The following SLC25A13 variants were observed in gnomAD, a reference collection of about 807,000 sequenced individuals.
The protein encoded by SLC25A13 is solute carrier family 25 member 13.
In SLC25A13, 70 loss-of-function variants were observed where a neutral mutation model predicts 85.5. The ratio of observed to expected loss-of-function variants is 0.82; its 90% CI spans 0.68 to 1.00. The LOEUF (loss-of-function observed/expected upper bound fraction) is 1.00, where lower values mean the gene tolerates loss of function less well. Ranked by LOEUF, SLC25A13 falls within the 50% of genes least tolerant of loss-of-function variation. The pLI is 0.00. For synonymous variants in SLC25A13, 259 were observed against 288.7 expected (o/e 0.90, Z 1.04); for missense variants, 765 against 819.8 (o/e 0.93, Z 0.82).
At chr7:96,309,217 G>A (rs1035360623) in intron 1 of SLC25A13, among the ~76,000 whole-genome samples, 2 of 152,230 alleles carry the variant, frequency 1.3e-5, no homozygotes, top group African/African-American at 4.8e-5. Flanking sequence ...TGAAACAGCA[G>A]CAATGGAACA....
chr7:96,269,159 C>T (rs140693917), intron 3 of SLC25A13, among the ~76,000 whole-genome samples: 2 of 152,210 alleles, frequency 1.3e-5, no homozygotes, highest in African/African-American at 4.8e-5. Flanking sequence ...ACAACTGTGC[C>T]AAGCACAGAG....
At chr7:96,180,184 T>G (rs1794365959) in intron 11 of SLC25A13, among the ~76,000 whole-genome samples, 1 of 152,194 alleles carries the variant, frequency 6.6e-6, no homozygotes, top group African/African-American at 2.4e-5. Context: ...GTTTTTTTTT[T>G]GCCAATTTCC....
chr7:96,278,019 C>T (rs1798526380), intron 2 of SLC25A13, among the ~76,000 whole-genome samples: 1 of 152,152 alleles, frequency 6.6e-6, no homozygotes, highest in African/African-American at 2.4e-5. Flanking sequence ...CATTACCATG[C>T]AGAAATGCTC....
chr7:96,308,786 C>T (rs1799852260), intron 1 of SLC25A13, among the ~76,000 whole-genome samples: 2 of 152,080 alleles, frequency 1.3e-5, no homozygotes, highest in East Asian at 1.9e-4. Context: ...AAAACAACAA[C>T]AAAATTTGCA....
chr7:96,262,181 A>C (rs1163901146), intron 3 of SLC25A13, among the ~76,000 whole-genome samples: 1 of 152,202 alleles, frequency 6.6e-6, no homozygotes, highest in East Asian at 1.9e-4. Flanking sequence ...CAGATTCTCA[A>C]GTAGCTAGGA....
At chr7:96,255,906 G>C (rs1025899751) in intron 3 of SLC25A13, among the ~76,000 whole-genome samples, 4 of 152,160 alleles carry the variant, frequency 2.6e-5, no homozygotes, top group Non-Finnish European at 5.9e-5. Context: ...CCAGAAGAGA[G>C]TAGGGGCCAA....
At chr7:96,197,666 C>T (rs1014020322) in intron 5 of SLC25A13, among the ~76,000 whole-genome samples, 3 of 151,930 alleles carry the variant, frequency 2.0e-5, no homozygotes, top group African/African-American at 7.3e-5. Flanking sequence ...ACTGACAGCT[C>T]CTAGATCTCA....
At chr7:96,229,601 C>G (rs978021964) in intron 4 of SLC25A13, among the ~76,000 whole-genome samples, 1 of 152,164 alleles carries the variant, frequency 6.6e-6, no homozygotes, top group Non-Finnish European at 1.5e-5. Context: ...CTATAACACT[C>G]ACCATGAAGG....
At chr7:96,134,793 TTATATATA>T (rs10522412) in intron 14 of SLC25A13, among the ~76,000 whole-genome samples, 6 of 102,244 alleles carry the variant, frequency 5.9e-5, no homozygotes, top group African/African-American at 2.0e-4. Context: ...ACAAACAATT[TTATATATA>T]TATATATATA....
At chr7:96,308,287 G>A (rs183512004) in intron 1 of SLC25A13, among the ~76,000 whole-genome samples, 19 of 152,298 alleles carry the variant, frequency 1.2e-4, no homozygotes, top group Middle Eastern at 6.8e-3. Context: ...CAATCTAGCA[G>A]CGCCTTGCTT....
At chr7:96,217,249 G>A (rs955060817) in intron 4 of SLC25A13, among the ~76,000 whole-genome samples, 1 of 152,156 alleles carries the variant, frequency 6.6e-6, no homozygotes, top group Admixed American at 6.5e-5. Flanking sequence ...GGATGTGAAG[G>A]AACTGCAACC....
chr7:96,189,462 C>A (rs1386213753), intron 8 of SLC25A13, 84 bp from the exon 9 acceptor site: 2 of 1,543,410 alleles, frequency 1.3e-6, no homozygotes, highest in African/African-American at 1.4e-5. Context: ...TCCCTTTTTT[C>A]ATTTCTCATA....
chr7:96,163,508 A>G (rs1793601951), intron 13 of SLC25A13, among the ~76,000 whole-genome samples: 1 of 152,200 alleles, frequency 6.6e-6, no homozygotes, highest in Non-Finnish European at 1.5e-5. Context: ...AAGAGAGAAT[A>G]ATAATAAGTA....
At chr7:96,250,690 G>A (rs935116876) in intron 3 of SLC25A13, among the ~76,000 whole-genome samples, 1 of 143,672 alleles carries the variant, frequency 7.0e-6, no homozygotes, top group Admixed American at 7.0e-5. Flanking sequence ...GAGGAGAAAA[G>A]TGAAGACAGG....
chr7:96,222,893 T>G (rs1033786694), intron 4 of SLC25A13, among the ~76,000 whole-genome samples: 3 of 152,242 alleles, frequency 2.0e-5, no homozygotes, highest in African/African-American at 7.2e-5. Flanking sequence ...ATCCAAAAAC[T>G]GATTATCATT....
intron 1 of SLC25A13, 27 bp from the exon 2 acceptor site, chr7:96,296,978 G>C: frequency 6.3e-7 from 1 of 1,577,026 alleles, no homozygotes; most frequent in Non-Finnish European, 8.7e-7. Context: ...AAATGTTTAT[G>C]TTATTACAAC....
chr7:96,181,914 A>C lies in SLC25A13; in HGVS notation c.1177+2363T>G, dbSNP rs150429310. ...AAAATAAAGTTACATTTTATGAGAA[A>C]TGTACAAAGAATCACATATAGGTAT... is the stretch of plus-strand genomic sequence containing the variant. On this transcript the variant is annotated intron_variant, in intron 11 of 17. Transcript: ENST00000265631. Among the ~76,000 whole-genome samples, 104 of 152,360 alleles carry C rather than the reference A, an allele frequency of 6.8e-4. 3 individuals carry two copies. The East Asian group carries it at 0.018, about 26-fold the overall frequency.
intron 7 of SLC25A13, among the ~76,000 whole-genome samples, chr7:96,190,304 G>A (rs1794796032): frequency 1.3e-5 from 2 of 151,922 alleles, no homozygotes; most frequent in Admixed American, 6.6e-5. Flanking sequence ...TGTTAGCCAG[G>A]ATCGTCTCAA....
At chr7:96,292,314 G>A (rs1799157959) in intron 2 of SLC25A13, among the ~76,000 whole-genome samples, 1 of 152,078 alleles carries the variant, frequency 6.6e-6, no homozygotes, top group South Asian at 2.1e-4. Context: ...CAAACCCACA[G>A]CCAATATCAT....
Sources: gnomAD v4.1 joint callset for allele counts (sites outside exome capture counted in the v4.1 genomes callset) on GRCh38, gnomAD v4.1.1 for gene constraint, MANE v1.5 for transcripts, NCBI Gene and HGNC (gene_info 2026-07-23, HGNC 2026-07-21) for gene names.